Variants in DPP10 observed in about 807,000 individuals in gnomAD.
DPP10 encodes inactive dipeptidyl peptidase 10.
A neutral mutation model predicts 120.9 loss-of-function variants in DPP10; 33 were observed. The observed-to-expected ratio is 0.27, with a 90% CI of 0.21 to 0.37. The LOEUF is 0.37. Among genes scored for constraint, DPP10 ranks in the 10% least tolerant of loss-of-function variants. The pLI is 1.00. For synonymous variants in DPP10, 337 were observed against 326.1 expected (o/e 1.03, Z -0.36); for missense variants, 816 against 942.8 (o/e 0.87, Z 1.76).
chr2:115,183,270 A>T (rs2105161175), intron 1 of DPP10, among the ~76,000 whole-genome samples: 1 of 152,240 alleles, frequency 6.6e-6, no homozygotes, highest in African/African-American at 2.4e-5. Context: ...TTCACGGTAT[A>T]AATTTTGTGG....
At chr2:114,524,017 C>T (rs1685285885) in intron 1 of DPP10, among the ~76,000 whole-genome samples, 1 of 152,196 alleles carries the variant, frequency 6.6e-6, no homozygotes, top group Non-Finnish European at 1.5e-5. Flanking sequence ...CTAGGGAGCA[C>T]CCAAATCTCT....
chr2:115,756,147 G>T (rs1679378097), intron 11 of DPP10, among the ~76,000 whole-genome samples: 1 of 152,056 alleles, frequency 6.6e-6, no homozygotes, highest in East Asian at 1.9e-4. Context: ...ACTTATAGAA[G>T]TAGAGAGTAG....
At chr2:114,925,525 C>T (rs893476882) in intron 1 of DPP10, among the ~76,000 whole-genome samples, 6 of 152,130 alleles carry the variant, frequency 3.9e-5, no homozygotes, top group African/African-American at 1.2e-4. Flanking sequence ...TTGCTTATCT[C>T]GCACTTTCTG....
At position 114,669,375 on chromosome 2, in the gene DPP10, T is replaced by C. The variant is rs149321086; in HGVS notation, c.60+226537T>C. On this transcript the variant is annotated intron_variant, in intron 1 of 25. Transcript: ENST00000410059. ...TGATTGTTCAGCCTACAGTAGTCAG[T>C]GTACATGTATGTTTCTATAATAAAA... Among the ~76,000 whole-genome samples, 70 of 152,266 alleles carry C rather than the reference T, an allele frequency of 4.6e-4. 2 individuals are homozygous for C. In the Middle Eastern group the frequency reaches 0.017, roughly 37 times the overall value.
intron 1 of DPP10, among the ~76,000 whole-genome samples, chr2:115,162,917 G>A (rs1454220990): frequency 6.6e-6 from 1 of 151,238 alleles, no homozygotes; most frequent in Non-Finnish European, 1.5e-5. Context: ...ACCCTGGCGA[G>A]GAGGAGGAGG....
chr2:115,569,678 C>G (rs1277148272), intron 5 of DPP10, among the ~76,000 whole-genome samples: 1 of 152,158 alleles, frequency 6.6e-6, no homozygotes, highest in African/African-American at 2.4e-5. Context: ...ATTTAACTGA[C>G]ACAATTATAT....
intron 1 of DPP10, among the ~76,000 whole-genome samples, chr2:114,589,635 C>A (rs949314141): frequency 5.3e-5 from 8 of 152,188 alleles, no homozygotes; most frequent in Non-Finnish European, 1.2e-4. Context: ...CTTAAGTCAG[C>A]ACTAACTATA....
chr2:114,523,642 AC>A (rs979016621), intron 1 of DPP10, among the ~76,000 whole-genome samples: 26 of 152,336 alleles, frequency 1.7e-4, no homozygotes, highest in African/African-American at 6.3e-4. Context: ...AAAAGCCTAG[AC>A]TTTTTTTAAG....
chr2:114,918,074 A>T (rs534228231), intron 1 of DPP10, among the ~76,000 whole-genome samples: 1 of 152,344 alleles, frequency 6.6e-6, no homozygotes, highest in African/African-American at 2.4e-5. Context: ...TCTAATATCA[A>T]GTCTATAGAG....
intron 1 of DPP10, among the ~76,000 whole-genome samples, chr2:115,096,872 T>C (rs1363693693): frequency 3.3e-5 from 5 of 152,200 alleles, no homozygotes; most frequent in Non-Finnish European, 7.4e-5. Flanking sequence ...ATACACAGTG[T>C]GTATGATTAT....
intron 1 of DPP10, among the ~76,000 whole-genome samples, chr2:114,886,740 A>G (rs1327796620): frequency 6.6e-6 from 1 of 152,166 alleles, no homozygotes; most frequent in Non-Finnish European, 1.5e-5. Context: ...AGAGTCTTGT[A>G]ATAGTTTTCT....
chr2:114,840,434 T>A (rs541355342), intron 1 of DPP10, among the ~76,000 whole-genome samples: 50 of 152,128 alleles, frequency 3.3e-4, no homozygotes, highest in Admixed American at 5.9e-4. Context: ...AACTCCCAAA[T>A]TTTCAGGTTC....
intron 1 of DPP10, among the ~76,000 whole-genome samples, chr2:114,905,584 T>C (rs140203395): frequency 2.0e-5 from 3 of 152,296 alleles, no homozygotes; most frequent in African/African-American, 7.2e-5. Context: ...CCCAGGTTTT[T>C]AGCCTAGTAC....
intron 1 of DPP10, among the ~76,000 whole-genome samples, chr2:114,915,865 A>G (rs1254427141): frequency 6.6e-6 from 1 of 152,230 alleles, no homozygotes; most frequent in Non-Finnish European, 1.5e-5. Flanking sequence ...AGTTTATAGC[A>G]TTAAATGCCT....
At chr2:115,396,987 T>C (rs2067725131) in intron 3 of DPP10, among the ~76,000 whole-genome samples, 1 of 152,214 alleles carries the variant, frequency 6.6e-6, no homozygotes, top group Admixed American at 6.6e-5. Flanking sequence ...GGAAGTATTA[T>C]CCCATCTATT....
chr2:115,330,739 A>G (rs1050791891), intron 2 of DPP10, among the ~76,000 whole-genome samples: 2 of 152,052 alleles, frequency 1.3e-5, no homozygotes, highest in African/African-American at 4.8e-5. Context: ...AAGATCAGAT[A>G]GTTGTAGATG....
chr2:115,408,793 C>T (rs1026682727), intron 3 of DPP10, among the ~76,000 whole-genome samples: 1 of 151,876 alleles, frequency 6.6e-6, no homozygotes, highest in Non-Finnish European at 1.5e-5. Flanking sequence ...AATTGAAAAG[C>T]TGATGGAATG....
chr2:115,444,257 CTT>C (rs2072358818), intron 3 of DPP10, among the ~76,000 whole-genome samples: 2 of 152,144 alleles, frequency 1.3e-5, no homozygotes, highest in South Asian at 2.1e-4. Flanking sequence ...AATAAATACT[CTT>C]ATATATTAAT....
At position 115,525,957 on chromosome 2, in the gene DPP10, A is replaced by C. The variant is rs1166455362; in HGVS notation, c.426A>C (p.Ala142=). 3 of 1,610,698 alleles carry C rather than the reference A, an allele frequency of 1.9e-6. No homozygotes were observed. The change falls in exon 5 of 26, where the codon GCA becomes GCC. Residue 142 remains alanine (A), a synonymous_variant. Transcript: ENST00000410059. The part of the protein sequence containing the change: ...VSPDLKYVLL[A]YDVKQIFHYS... ...CAGATTTAAAATATGTCCTTCTGGC[A>C]TATGATGTCAAACAGGTAAAGGAGT...
Sources: allele counts gnomAD v4.1 joint callset (sites outside exome capture counted in the v4.1 genomes callset), GRCh38; gene constraint gnomAD v4.1.1; transcripts MANE v1.5; gene names NCBI Gene and HGNC (gene_info 2026-07-23, HGNC 2026-07-21).